The following CACNB2 variants were observed in gnomAD, a reference collection of about 807,000 sequenced individuals.
The protein encoded by CACNB2 is calcium voltage-gated channel auxiliary subunit beta 2.
A neutral mutation model predicts 73.3 loss-of-function variants in CACNB2; 42 were observed. The ratio of observed to expected loss-of-function variants is 0.57; its 90% CI spans 0.45 to 0.74. CACNB2 has a LOEUF of 0.74. CACNB2 is among the 30% of genes least tolerant of loss of function. The pLI is 0.00. For missense variants in CACNB2, 940 were observed against 853.0 expected (o/e 1.10, Z -1.27); for synonymous variants, 348 against 310.3 (o/e 1.12, Z -1.28).
At position 18,260,759 on chromosome 10, in the gene CACNB2, G is replaced by A. The variant is rs147331708; in HGVS notation, c.213+109784G>A. 2.6e-5 allele frequency: 26 copies of A among 999,926 alleles called. 1 individual carries two copies. In the East Asian group the frequency reaches 2.6e-3, roughly 98 times the overall value. 61.9% of individuals were successfully genotyped at this position (999,926 alleles called of 1,614,324 possible). ...AGGCAATCATAGGCGAGCAGCCGCG[G>A]GAGCAGGAACAGCAGCGTGCTAAGA... On this transcript the variant is annotated intron_variant, in intron 2 of 13. Coordinates refer to ENST00000324631, the MANE Select transcript of CACNB2 (RefSeq NM_201596.3).
chr10:18,219,249 G>C (rs1414009455), intron 2 of CACNB2, among the ~76,000 whole-genome samples: 1 of 152,104 alleles, frequency 6.6e-6, no homozygotes, highest in African/African-American at 2.4e-5. Context: ...AGATTTGCTG[G>C]TTATAACATG....
At chr10:18,258,446 G>A (rs2037375740) in intron 2 of CACNB2, among the ~76,000 whole-genome samples, 2 of 152,152 alleles carry the variant, frequency 1.3e-5, no homozygotes, top group African/African-American at 2.4e-5. Flanking sequence ...AAAAACTTGA[G>A]GCCGGGCACG....
intron 2 of CACNB2, among the ~76,000 whole-genome samples, chr10:18,157,933 C>T (rs367761025): frequency 4.1e-4 from 62 of 151,984 alleles, no homozygotes; most frequent in African/African-American, 1.3e-3. Flanking sequence ...TTTTTTAGAT[C>T]GGCATAATTC....
At chr10:18,362,806 G>A (rs148533722) in intron 2 of CACNB2, among the ~76,000 whole-genome samples, 2,079 of 152,266 alleles carry the variant, frequency 0.014, 80 homozygotes, top group Admixed American at 0.071. Context: ...TACTTGGGAG[G>A]CTGAGGAGAG....
At chr10:18,476,507 C>T (rs575025082) in intron 3 of CACNB2, among the ~76,000 whole-genome samples, 2 of 152,218 alleles carry the variant, frequency 1.3e-5, no homozygotes, top group East Asian at 1.9e-4. Flanking sequence ...AATGAAGTAG[C>T]GACTCTCCAT....
chr10:18,157,378 G>GA (rs1049159586), intron 2 of CACNB2, among the ~76,000 whole-genome samples: 4 of 151,734 alleles, frequency 2.6e-5, no homozygotes, highest in South Asian at 2.1e-4. Flanking sequence ...TTTTCCTCTG[G>GA]AAAAAAAATG....
intron 2 of CACNB2, among the ~76,000 whole-genome samples, chr10:18,226,973 A>G (rs2036016370): frequency 6.6e-6 from 1 of 152,140 alleles, no homozygotes; most frequent in African/African-American, 2.4e-5. Context: ...GCACTTTCAA[A>G]TCAAGGAGAA....
intron 2 of CACNB2, chr10:18,400,981 G>A: frequency 5.0e-6 from 8 of 1,613,492 alleles, no homozygotes; most frequent in Non-Finnish European, 6.8e-6. Context: ...CGCGCACTGA[G>A]AACCTGTGCC....
intron 2 of CACNB2, among the ~76,000 whole-genome samples, chr10:18,307,983 C>CATTTTT (rs1356604464): frequency 0.043 from 2,986 of 70,174 alleles, 246 homozygotes; most frequent in African/African-American, 0.12. Flanking sequence ...TATATGCCAA[C>CATTTTT]TTTTTTTTTT....
intron 2 of CACNB2, among the ~76,000 whole-genome samples, chr10:18,395,278 C>T (rs1409978585): frequency 6.6e-6 from 1 of 152,202 alleles, no homozygotes. Context: ...TCCCTCTTCT[C>T]AATGCGTTGC....
At chr10:18,469,874 T>C (rs188468849) in intron 3 of CACNB2, among the ~76,000 whole-genome samples, 1 of 152,182 alleles carries the variant, frequency 6.6e-6, no homozygotes, top group Non-Finnish European at 1.5e-5. Flanking sequence ...TTTAACCACA[T>C]TTATACATGT....
At chr10:18,316,824 T>C (rs1025737285) in intron 2 of CACNB2, among the ~76,000 whole-genome samples, 5 of 152,100 alleles carry the variant, frequency 3.3e-5, no homozygotes, top group African/African-American at 9.7e-5. Context: ...TTCCTCCAGG[T>C]TCTCTGTCCT....
At chr10:18,278,953 G>T (rs1210604813) in intron 2 of CACNB2, among the ~76,000 whole-genome samples, 2 of 152,010 alleles carry the variant, frequency 1.3e-5, no homozygotes, top group Admixed American at 6.6e-5. Context: ...GGAAGTCAAG[G>T]CTGCAGTGAG....
intron 2 of CACNB2, among the ~76,000 whole-genome samples, chr10:18,266,845 G>A (rs528650686): frequency 9.3e-4 from 142 of 152,260 alleles, no homozygotes; most frequent in Admixed American, 8.7e-3. Context: ...AGCCGAGATC[G>A]TGCCACTGCA....
chr10:18,421,314 T>C (rs2045310942), intron 3 of CACNB2, among the ~76,000 whole-genome samples: 1 of 151,670 alleles, frequency 6.6e-6, no homozygotes, highest in Non-Finnish European at 1.5e-5. Flanking sequence ...TTTTTTTTTC[T>C]AAGACAGAAT....
chr10:18,227,799 A>G (rs148646967), intron 2 of CACNB2, among the ~76,000 whole-genome samples: 107 of 152,344 alleles, frequency 7.0e-4, no homozygotes, highest in African/African-American at 2.3e-3. Flanking sequence ...TAAGGTTGAC[A>G]TGTTGTCATA....
chr10:18,246,091 A>G (rs934181723), intron 2 of CACNB2, among the ~76,000 whole-genome samples: 2 of 152,144 alleles, frequency 1.3e-5, no homozygotes, highest in Non-Finnish European at 1.5e-5. Flanking sequence ...AAGAAACCTC[A>G]GATGAAAGAC....
chr10:18,279,761 C>T (rs1160371376), intron 2 of CACNB2, among the ~76,000 whole-genome samples: 1 of 152,166 alleles, frequency 6.6e-6, no homozygotes, highest in Non-Finnish European at 1.5e-5. Flanking sequence ...GTACTAAAAG[C>T]CTAGCTTGAG....
intron 6 of CACNB2, among the ~76,000 whole-genome samples, chr10:18,508,723 A>G (rs2050616538): frequency 6.6e-6 from 1 of 152,202 alleles, no homozygotes; most frequent in Non-Finnish European, 1.5e-5. Flanking sequence ...CTCAAAATGT[A>G]CTTAACACGT....
Sources: allele counts gnomAD v4.1 joint callset (sites outside exome capture counted in the v4.1 genomes callset), GRCh38; gene constraint gnomAD v4.1.1; transcripts MANE v1.5; gene names NCBI Gene and HGNC (gene_info 2026-07-23, HGNC 2026-07-21).